Variants in COL11A1 observed in about 807,000 individuals in gnomAD.
COL11A1 encodes the protein collagen type XI alpha 1 chain.
COL11A1 carries 74 observed loss-of-function variants against 265.2 expected under a neutral mutation model. The observed-to-expected ratio is 0.28, with a 90% confidence interval of 0.23 to 0.34. The LOEUF is 0.34. Among genes scored for constraint, COL11A1 ranks in the 10% least tolerant of loss-of-function variants. The pLI is 1.00. For missense variants in COL11A1, 2,165 were observed against 2,263.6 expected (o/e 0.96, Z 0.88); for synonymous variants, 816 against 727.6 (o/e 1.12, Z -1.96).
At chr1:103,001,734 A>G in intron 24 of COL11A1, 191 bp downstream of exon 24, 2 of 613,090 alleles carry the variant, frequency 3.3e-6, no homozygotes, top group South Asian at 2.2e-5. Context: ...CTGAAGTTTT[A>G]TCATTCTCAG....
At chr1:103,069,256 A>G (rs71655805) in intron 4 of COL11A1, among the ~76,000 whole-genome samples, 5,144 of 151,932 alleles carry the variant, frequency 0.034, 113 homozygotes, top group Middle Eastern at 0.092. Context: ...AGGTGCACTA[A>G]TTGGTAGTCA....
intron 57 of COL11A1, among the ~76,000 whole-genome samples, chr1:102,895,509 T>C (rs1249376580): frequency 6.6e-6 from 1 of 152,122 alleles, no homozygotes; most frequent in Non-Finnish European, 1.5e-5. Context: ...GGAACTCCAA[T>C]GATAAGCAAA....
At chr1:102,878,259 G>T in intron 66 of COL11A1, 94 bp from the exon 67 acceptor site, 1 of 1,146,834 alleles carries the variant, frequency 8.7e-7, no homozygotes, top group Non-Finnish European at 1.2e-6. Flanking sequence ...GAGGTAAGAA[G>T]CTGAGAGAGA....
At chr1:102,888,805 G>A (rs1347358679) in intron 60 of COL11A1, 47 bp from the exon 61 acceptor site, 1 of 1,612,986 alleles carries the variant, frequency 6.2e-7, no homozygotes, top group Non-Finnish European at 8.5e-7. Context: ...TGGAGCATTT[G>A]TGTCTCTGTT....
chr1:103,070,831 C>G (rs1320164307), intron 4 of COL11A1, among the ~76,000 whole-genome samples: 2 of 151,800 alleles, frequency 1.3e-5, no homozygotes, highest in Non-Finnish European at 2.9e-5. Context: ...AAAACCATGT[C>G]TACTAAAATT....
intron 41 of COL11A1, among the ~76,000 whole-genome samples, chr1:102,951,899 T>C (rs562871290): frequency 1.5e-3 from 222 of 152,236 alleles, no homozygotes; most frequent in African/African-American, 4.5e-3. Flanking sequence ...AATATTACCT[T>C]AACTGGATGC....
intron 4 of COL11A1, among the ~76,000 whole-genome samples, chr1:103,045,149 A>G (rs1204052244): frequency 1.3e-5 from 2 of 152,138 alleles, no homozygotes; most frequent in Non-Finnish European, 2.9e-5. Context: ...ACAGGTAGCA[A>G]CATGGAGAGG....
At chr1:102,930,146 G>C (rs1364958084) in intron 46 of COL11A1, among the ~76,000 whole-genome samples, 1 of 152,136 alleles carries the variant, frequency 6.6e-6, no homozygotes, top group African/African-American at 2.4e-5. Flanking sequence ...GGAGTGGTGA[G>C]AGAAGGCATC....
chr1:102,963,330 G>A (rs968810056), intron 38 of COL11A1, among the ~76,000 whole-genome samples: 2 of 152,152 alleles, frequency 1.3e-5, no homozygotes, highest in African/African-American at 4.8e-5. Flanking sequence ...CAGTGAGTAT[G>A]GGTCAGCAGT....
chr1:102,914,813 T>C lies in COL11A1; in HGVS notation c.3817-2A>G. ...CTCTCCTCTTTCTCCTTTGGGACCC[T>C]AAACAATGTTAAAAAAAAAAAAAGA... On this transcript the variant is annotated splice_acceptor_variant, in intron 50 of 66. Transcript: ENST00000370096. LOFTEE classifies it high-confidence loss of function. The C allele has an allele frequency of 2.7e-6, 4 of 1,460,054 alleles. No individual in the cohort carries two copies. The highest frequency in any genetic ancestry group is 3.7e-6 in the Non-Finnish European group (4 of 1,077,646). 90.4% of individuals were successfully genotyped at this position (1,460,054 alleles called of 1,614,324 possible). A position where few individuals can be genotyped will look rare whatever the true frequency, so the allele number is the denominator to read the frequency against.
chr1:103,058,422 T>C (rs1442797714), intron 4 of COL11A1, among the ~76,000 whole-genome samples: 1 of 152,180 alleles, frequency 6.6e-6, no homozygotes, highest in Admixed American at 6.5e-5. Context: ...TTCACTAGAG[T>C]AGTACTTTTA....
At chr1:102,974,792 T>C (rs1662306843) in intron 36 of COL11A1, 38 bp downstream of exon 36, 3 of 1,521,864 alleles carry the variant, frequency 2.0e-6, no homozygotes, top group Non-Finnish European at 2.7e-6. Context: ...TGTAAAAATA[T>C]CAAATGAAGA....
intron 36 of COL11A1, among the ~76,000 whole-genome samples, chr1:102,974,395 T>C (rs1662266767): frequency 6.6e-6 from 1 of 152,128 alleles, no homozygotes; most frequent in African/African-American, 2.4e-5. Flanking sequence ...ATAATATTAA[T>C]ATAAATAGAT....
At chr1:103,070,723 A>T (rs1671517187) in intron 4 of COL11A1, among the ~76,000 whole-genome samples, 1 of 151,948 alleles carries the variant, frequency 6.6e-6, no homozygotes, top group African/African-American at 2.4e-5. Flanking sequence ...CAATAAATTT[A>T]GAAAAAAAAT....
chr1:103,005,809 C>G (rs1665544325), intron 18 of COL11A1, 29 bp downstream of exon 18: 1 of 1,612,012 alleles, frequency 6.2e-7, no homozygotes, highest in Non-Finnish European at 8.5e-7. Context: ...ATAACATTCC[C>G]TGGAAAAAAA....
At chr1:103,047,484 C>T (rs956990270) in intron 4 of COL11A1, among the ~76,000 whole-genome samples, 2 of 152,276 alleles carry the variant, frequency 1.3e-5, no homozygotes, top group East Asian at 1.9e-4. Context: ...GGTTGCTTAT[C>T]AGCTTAAGGA....
At position 103,074,709 on chromosome 1, in the gene COL11A1, G is replaced by T. The variant is rs184606223; in HGVS notation, c.560C>A (p.Thr187Lys). 1.7e-5 allele frequency: 28 copies of T among 1,613,172 alleles called. No individual in the cohort carries two copies. The Admixed American group carries it at 1.8e-4, about 11-fold the overall frequency. ...TMIVDCKKKT[T>K]KPLDRSERAI... is the part of the protein sequence containing the mutation. ...TCTCTCACTTCTATCAAGTGGTTTC[G>T]TGGTTTTCTTCTTACAATCAACAAT... Residue 187 changes from threonine (T) to lysine (K), a missense_variant, in exon 4 of 67, where the codon ACG (threonine) becomes AAG (lysine). Thr to Lys is a moderately conservative substitution (Grantham distance 78). Transcript: ENST00000370096.
chr1:102,920,260 T>C (rs183773123), intron 49 of COL11A1, 51 bp downstream of exon 49: 425 of 1,493,372 alleles, frequency 2.8e-4, no homozygotes, highest in Non-Finnish European at 3.2e-4. Flanking sequence ...CCAATATTAT[T>C]ACAGTTCTTA....
intron 4 of COL11A1, among the ~76,000 whole-genome samples, chr1:103,059,178 C>A (rs904354278): frequency 1.3e-5 from 2 of 152,114 alleles, no homozygotes; most frequent in Non-Finnish European, 2.9e-5. Context: ...CATTATCCTT[C>A]AGTGTGAAAG....
Sources: allele counts gnomAD v4.1 joint callset (sites outside exome capture counted in the v4.1 genomes callset), GRCh38; gene constraint gnomAD v4.1.1; transcripts MANE v1.5; gene names NCBI Gene and HGNC (gene_info 2026-07-23, HGNC 2026-07-21).